The following BICDL1 variants were observed in gnomAD, a reference collection of about 807,000 sequenced individuals.
BICDL1 encodes BICD family like cargo adaptor 1.
BICDL1 carries 20 observed loss-of-function variants against 76.8 expected under a neutral mutation model. The ratio of observed to expected loss-of-function variants is 0.26; its 90% CI spans 0.18 to 0.38. The LOEUF (loss-of-function observed/expected upper bound fraction) is 0.38, where lower values mean the gene tolerates loss of function less well. BICDL1 is among the 10% of genes least tolerant of loss of function. The probability of loss-of-function intolerance (pLI) is 1.00; values close to 1 mark genes in which losing one functional copy is unlikely to be tolerated. For synonymous variants in BICDL1, 383 were observed against 337.1 expected (o/e 1.14, Z -1.49); for missense variants, 700 against 798.6 (o/e 0.88, Z 1.49).
In BICDL1 at chr12:120,026,242, T is replaced by C. The variant is rs574708363; in HGVS notation, c.645+27506T>C. On this transcript the variant is annotated intron_variant, in intron 2 of 9. Transcript: ENST00000548673. Reference sequence around the variant, plus strand: ...ATTTACATGGAAATGCATATAAATATGCATTTATAGAGAAGATTATCCTAA... The same window carrying C: ...ATTTACATGGAAATGCATATAAATACGCATTTATAGAGAAGATTATCCTAA... 2.6e-5 allele frequency among the ~76,000 whole-genome samples: 4 copies of C among 152,324 alleles called. No homozygotes were observed. The South Asian group carries it at 8.3e-4, about 32-fold the overall frequency.
At chr12:120,080,686 T>G (rs1374523485) in intron 7 of BICDL1, 1 of 462,704 alleles carries the variant, frequency 2.2e-6, no homozygotes, top group Non-Finnish European at 3.9e-6. Flanking sequence ...GCTGCCGAGC[T>G]CAAGCCTAGC....
chr12:120,052,980 A>G (rs996956489), intron 2 of BICDL1, among the ~76,000 whole-genome samples: 4 of 152,062 alleles, frequency 2.6e-5, no homozygotes, highest in African/African-American at 9.7e-5. Flanking sequence ...GGGTTTCACC[A>G]TGTTGGCCAG....
At chr12:120,060,776 C>T (rs1953087508) in intron 2 of BICDL1, among the ~76,000 whole-genome samples, 1 of 152,166 alleles carries the variant, frequency 6.6e-6, no homozygotes. Flanking sequence ...AACTACTGAA[C>T]ATGTAACCAT....
chr12:120,020,705 G>C (rs1952160982), intron 2 of BICDL1, among the ~76,000 whole-genome samples: 1 of 152,170 alleles, frequency 6.6e-6, no homozygotes, highest in Non-Finnish European at 1.5e-5. Flanking sequence ...GTGAACAGTA[G>C]ATGGAGAACT....
chr12:120,001,359 G>A (rs1356406246), intron 2 of BICDL1, among the ~76,000 whole-genome samples: 1 of 151,956 alleles, frequency 6.6e-6, no homozygotes, highest in African/African-American at 2.4e-5. Context: ...ACATTCTCTT[G>A]CCTCAGCCTC....
intron 2 of BICDL1, among the ~76,000 whole-genome samples, chr12:120,008,367 C>T (rs982314739): frequency 3.3e-5 from 5 of 152,016 alleles, no homozygotes; most frequent in African/African-American, 7.2e-5. Flanking sequence ...CCGTGCTGCC[C>T]GGGCTGGTCT....
chr12:120,007,034 C>G (rs1951863686), intron 2 of BICDL1, among the ~76,000 whole-genome samples: 1 of 151,860 alleles, frequency 6.6e-6, no homozygotes, highest in Admixed American at 6.6e-5. Flanking sequence ...GAAGGTAGAA[C>G]TGACAAGACT....
At chr12:120,090,860 C>T in intron 9 of BICDL1, 2 of 1,285,384 alleles carry the variant, frequency 1.6e-6, no homozygotes, top group African/African-American at 1.5e-5. Flanking sequence ...TGGCAGCCAG[C>T]TGGCCGCGCC....
At chr12:120,083,630 T>TA (rs1874165686) in intron 8 of BICDL1, among the ~76,000 whole-genome samples, 1 of 50,918 alleles carries the variant, frequency 2.0e-5, no homozygotes, top group Non-Finnish European at 3.2e-5. Flanking sequence ...TTAATAGTAG[T>TA]ATTTATTTAT....
chr12:120,057,096 A>G lies in BICDL1; in HGVS notation c.646-4614A>G, dbSNP rs142946268. 2.3e-3 allele frequency: 1,184 copies of G among 522,638 alleles called. 11 individuals are homozygous for G. The highest frequency in any genetic ancestry group is 0.021 in the African/African-American group (1,092 of 51,878). The allele number at this position is 522,638 out of a possible 1,614,324, so 32.4% of individuals were successfully genotyped here. A position where few individuals can be genotyped will look rare whatever the true frequency, so the allele number is the denominator to read the frequency against. ...TCCTCCACCTCTGATGCAGAATTTGATGCTGTGGTTGTATATTTAGAGGAC... is the reference window on the plus strand; with the variant it reads ...TCCTCCACCTCTGATGCAGAATTTGGTGCTGTGGTTGTATATTTAGAGGAC... On this transcript the variant is annotated intron_variant, in intron 2 of 9. Coordinates refer to ENST00000548673, the MANE Select transcript of BICDL1 (RefSeq NM_001367886.1).
At chr12:120,032,821 A>C (rs1037956614) in intron 2 of BICDL1, among the ~76,000 whole-genome samples, 2 of 143,584 alleles carry the variant, frequency 1.4e-5, no homozygotes, top group African/African-American at 5.3e-5. Flanking sequence ...ATCTTGGCTC[A>C]CTGCAACTTC....
intron 1 of BICDL1, among the ~76,000 whole-genome samples, chr12:119,991,575 AT>A (rs756027301): frequency 3.1e-4 from 47 of 152,106 alleles, no homozygotes; most frequent in Non-Finnish European, 2.1e-4. Flanking sequence ...GAATTGTTTA[AT>A]TTTCACTTGA....
Position 120,004,064 on chromosome 12 carries a change from T to G in BICDL1, c.645+5328T>G, listed in dbSNP as rs902702988. On this transcript the variant is annotated intron_variant, in intron 2 of 9. Transcript: ENST00000548673. ...CTCATTTGGAAAGCTGAATGGTGAT[T>G]GCTTCTGAGCAGAGCCTCACGTAGG... is the stretch of plus-strand genomic sequence containing the variant. Among the ~76,000 whole-genome samples, 17 of 152,330 alleles carry G rather than the reference T, an allele frequency of 1.1e-4. No homozygotes were observed. In the East Asian group the frequency reaches 3.3e-3, roughly 29 times the overall value.
intron 2 of BICDL1, among the ~76,000 whole-genome samples, chr12:120,026,487 A>C (rs1952305275): frequency 6.6e-6 from 1 of 152,246 alleles, no homozygotes; most frequent in Non-Finnish European, 1.5e-5. Flanking sequence ...AGCTAGGTAG[A>C]TAAGAACATG....
chr12:120,005,667 C>CCAATAGTTACT (rs1951837259), intron 2 of BICDL1, among the ~76,000 whole-genome samples: 1 of 152,214 alleles, frequency 6.6e-6, no homozygotes, highest in African/African-American at 2.4e-5. Flanking sequence ...CCACGCCCAG[C>CCAATAGTTACT]CGTTTTTGCT....
At chr12:119,999,062 G>GGAA (rs10659159) in intron 2 of BICDL1, among the ~76,000 whole-genome samples, 113 of 95,258 alleles carry the variant, frequency 1.2e-3, no homozygotes, top group African/African-American at 3.9e-3. Flanking sequence ...GCCTGTCTCG[G>GGAA]AAAAAAAAAA....
chr12:119,998,407 G>T, intron 1 of BICDL1, 114 bp from the exon 2 acceptor site: 1 of 760,712 alleles, frequency 1.3e-6, no homozygotes, highest in Middle Eastern at 4.0e-4. Context: ...ATGTGGTAGG[G>T]TGTTTTATTG....
chr12:120,085,986 T>C (rs1273343057), intron 8 of BICDL1, among the ~76,000 whole-genome samples: 1 of 141,458 alleles, frequency 7.1e-6, no homozygotes, highest in Non-Finnish European at 1.5e-5. Context: ...AGTTGTCCAG[T>C]CTTTCTCCCT....
chr12:120,067,078 A>T (rs1953236892), intron 4 of BICDL1, among the ~76,000 whole-genome samples: 1 of 152,232 alleles, frequency 6.6e-6, no homozygotes, highest in Non-Finnish European at 1.5e-5. Flanking sequence ...ATTTTTTCAG[A>T]CCTGAGAATA....
Sources: gnomAD v4.1 joint callset for allele counts (sites outside exome capture counted in the v4.1 genomes callset) on GRCh38, gnomAD v4.1.1 for gene constraint, MANE v1.5 for transcripts, NCBI Gene and HGNC (gene_info 2026-07-23, HGNC 2026-07-21) for gene names.